STAG1: variants seen among roughly 807,000 people sequenced by gnomAD.
STAG1 encodes cohesin subunit SA-1.
In STAG1, 26 loss-of-function variants were observed where a neutral mutation model predicts 170.9. The ratio of observed to expected loss-of-function variants is 0.15; its 90% CI spans 0.11 to 0.21. STAG1 has a LOEUF of 0.21. Ranked by LOEUF, STAG1 falls within the 10% of genes least tolerant of loss-of-function variation. The pLI, the probability that STAG1 is intolerant of heterozygous loss-of-function variation, is 1.00. For synonymous variants in STAG1, 514 were observed against 497.7 expected (o/e 1.03, Z -0.44); for missense variants, 964 against 1,509.5 (o/e 0.64, Z 5.99).
intron 21 of STAG1, among the ~76,000 whole-genome samples, chr3:136,415,753 CGGA>C (rs1204251264): frequency 1.3e-5 from 2 of 152,100 alleles, no homozygotes; most frequent in Non-Finnish European, 2.9e-5. Context: ...ACCCAGGAAG[CGGA>C]GGTCACAGTG....
rs558864978 is a variant in STAG1 at position 136,467,952 on chromosome 3, T to G, written c.1206-2964A>C. On this transcript the variant is annotated intron_variant, in intron 12 of 33. Transcript: ENST00000383202. Reference sequence around the variant, plus strand: ...TGAAGGCAGTAATAAAGATGTTCTTTGAAACCAATGAGAACAAAGGCACAA... The same window carrying G: ...TGAAGGCAGTAATAAAGATGTTCTTGGAAACCAATGAGAACAAAGGCACAA... 2.6e-5 allele frequency among the ~76,000 whole-genome samples: 4 copies of G among 152,308 alleles called. No individual in the cohort carries two copies. The East Asian group carries it at 7.7e-4, about 29-fold the overall frequency.
intron 4 of STAG1, among the ~76,000 whole-genome samples, chr3:136,595,105 C>A (rs1348062018): frequency 6.6e-6 from 1 of 152,096 alleles, no homozygotes; most frequent in Non-Finnish European, 1.5e-5. Context: ...TCTAGGTGTA[C>A]AAAATGAAAA....
intron 1 of STAG1, among the ~76,000 whole-genome samples, chr3:136,675,748 T>A (rs1043211021): frequency 6.6e-6 from 1 of 152,188 alleles, no homozygotes. Flanking sequence ...CTATTTGGAT[T>A]TGCTTATTTT....
intron 6 of STAG1, among the ~76,000 whole-genome samples, chr3:136,522,357 A>G (rs1934722873): frequency 6.6e-6 from 1 of 152,142 alleles, no homozygotes. Flanking sequence ...AAAATCCCAA[A>G]AGTTAGTTAA....
At chr3:136,510,392 T>C (rs1157570634) in intron 7 of STAG1, among the ~76,000 whole-genome samples, 2 of 151,680 alleles carry the variant, frequency 1.3e-5, no homozygotes, top group Non-Finnish European at 2.9e-5. Context: ...CTGGTTCAAG[T>C]GATTCTCGTG....
At position 136,340,421 on chromosome 3, in the gene STAG1, C is replaced by T. The variant is rs138554920; in HGVS notation, c.3672+70G>A. 232 of 1,035,508 alleles carry T rather than the reference C, an allele frequency of 2.2e-4. No homozygotes were observed. The African/African-American group carries it at 3.0e-3, about 13-fold the overall frequency. 64.1% of individuals were successfully genotyped at this position (1,035,508 alleles called of 1,614,324 possible). A position where few individuals can be genotyped will look rare whatever the true frequency, so the allele number is the denominator to read the frequency against. On this transcript the variant is annotated intron_variant, in intron 32 of 33. Transcript: ENST00000383202. ...ACAGGTGTGAGCCACCATGCCCGGC[C>T]TAAGAGGATCATCTTACACCAATGC...
At chr3:136,387,671 C>T (rs559210025) in intron 22 of STAG1, among the ~76,000 whole-genome samples, 9 of 152,184 alleles carry the variant, frequency 5.9e-5, no homozygotes, top group Non-Finnish European at 1.0e-4. Flanking sequence ...TATAATAAAA[C>T]GACTATTTGA....
intron 1 of STAG1, among the ~76,000 whole-genome samples, chr3:136,751,458 T>C (rs958014776): frequency 2.0e-5 from 3 of 151,900 alleles, no homozygotes; most frequent in Non-Finnish European, 4.4e-5. Context: ...CAACTTTTAT[T>C]GGCCTCGTCT....
chr3:136,571,347 C>T (rs927132922), intron 4 of STAG1, among the ~76,000 whole-genome samples: 1 of 152,090 alleles, frequency 6.6e-6, no homozygotes, highest in African/African-American at 2.4e-5. Context: ...GGTGGGCAGA[C>T]GACTTGAGCA....
At chr3:136,521,130 A>C in intron 7 of STAG1, 83 bp downstream of exon 7, 1 of 1,124,192 alleles carries the variant, frequency 8.9e-7, no homozygotes, top group Non-Finnish European at 1.3e-6. Flanking sequence ...ATTTTTAATT[A>C]AATCTTCTCA....
At chr3:136,370,156 A>T (rs1025502558) in intron 23 of STAG1, among the ~76,000 whole-genome samples, 1 of 152,060 alleles carries the variant, frequency 6.6e-6, no homozygotes, top group Non-Finnish European at 1.5e-5. Context: ...TATGAAAAAA[A>T]TTAACTGTGA....
At chr3:136,354,955 G>A (rs1216030456) in intron 28 of STAG1, among the ~76,000 whole-genome samples, 1 of 151,988 alleles carries the variant, frequency 6.6e-6, no homozygotes, top group Non-Finnish European at 1.5e-5. Context: ...CAAAACAGTA[G>A]TCAAAATAAA....
chr3:136,349,435 G>A (rs1936352340), intron 28 of STAG1, 72 bp from the exon 29 acceptor site: 6 of 1,150,178 alleles, frequency 5.2e-6, no homozygotes, highest in Admixed American at 1.8e-5. Context: ...TTCTTAATCT[G>A]AGGCTCTCTT....
chr3:136,602,847 A>G (rs989950732), intron 4 of STAG1, among the ~76,000 whole-genome samples: 1 of 152,182 alleles, frequency 6.6e-6, no homozygotes, highest in Non-Finnish European at 1.5e-5. Flanking sequence ...CTCAGAAACA[A>G]AAGTATAATG....
intron 7 of STAG1, among the ~76,000 whole-genome samples, chr3:136,507,321 G>A (rs1209326108): frequency 6.6e-6 from 1 of 152,182 alleles, no homozygotes; most frequent in African/African-American, 2.4e-5. Flanking sequence ...GAAGGTCAGA[G>A]ACAGGGGTGA....
chr3:136,383,052 T>G (rs577703667), intron 22 of STAG1, among the ~76,000 whole-genome samples: 1 of 152,330 alleles, frequency 6.6e-6, no homozygotes, highest in Non-Finnish European at 1.5e-5. Context: ...TTCATTTAAG[T>G]AGTGGGAATT....
At chr3:136,541,095 C>A (rs1376029223) in intron 6 of STAG1, among the ~76,000 whole-genome samples, 1 of 151,822 alleles carries the variant, frequency 6.6e-6, no homozygotes, top group Non-Finnish European at 1.5e-5. Context: ...TTCAAAAATC[C>A]CAATACCCGG....
At chr3:136,410,161 A>G in intron 21 of STAG1, among the ~76,000 whole-genome samples, 1 of 151,572 alleles carries the variant, frequency 6.6e-6, no homozygotes, top group African/African-American at 2.4e-5. Context: ...GAACTCTGGG[A>G]GGCCAAGGCA....
intron 7 of STAG1, among the ~76,000 whole-genome samples, chr3:136,515,872 G>T (rs988661378): frequency 6.6e-6 from 1 of 152,096 alleles, no homozygotes; most frequent in Non-Finnish European, 1.5e-5. Flanking sequence ...GAGAACATCA[G>T]AAGTCTGTTA....
Sources: gnomAD v4.1 joint callset for allele counts (sites outside exome capture counted in the v4.1 genomes callset) on GRCh38, gnomAD v4.1.1 for gene constraint, MANE v1.5 for transcripts, NCBI Gene and HGNC (gene_info 2026-07-23, HGNC 2026-07-21) for gene names.